LAMB4: variants seen among roughly 807,000 people sequenced by gnomAD.
LAMB4 encodes the protein laminin subunit beta-4.
Under a neutral mutation model 199.2 loss-of-function variants are expected in LAMB4, and 196 were observed. That is an observed-to-expected ratio of 0.98 (90% CI 0.88 to 1.11). The LOEUF is 1.11. Ranked by LOEUF, LAMB4 falls within the 50% of genes least tolerant of loss-of-function variation. The pLI, the probability that LAMB4 is intolerant of heterozygous loss-of-function variation, is 0.00. For missense variants in LAMB4, 2,080 were observed against 2,171.2 expected, an observed-to-expected ratio of 0.96 and a Z score of 0.83; for synonymous variants, 744 against 770.6, an observed-to-expected ratio of 0.97 and a Z score of 0.57.
intron 16 of LAMB4, 99 bp from the exon 17 acceptor site, chr7:108,077,163 AGTGAC>A: frequency 2.4e-6 from 3 of 1,247,818 alleles, no homozygotes. Context: ...TGTACTGGGC[AGTGAC>A]CTCCACTGTG....
chr7:108,080,425 T>C (rs9691506), intron 14 of LAMB4, among the ~76,000 whole-genome samples: 17,117 of 152,142 alleles, frequency 0.11, 1,988 homozygotes, highest in African/African-American at 0.29. Flanking sequence ...CAAATTCCTC[T>C]TCTTGTTACT....
intron 18 of LAMB4, 25 bp downstream of exon 18, chr7:108,069,683 T>C (rs759537522): frequency 1.2e-6 from 2 of 1,602,060 alleles, no homozygotes; most frequent in African/African-American, 1.3e-5. Context: ...AGTGCCTCAG[T>C]AGAGCCCATT....
chr7:108,091,278 T>C (rs2037391878), intron 14 of LAMB4, among the ~76,000 whole-genome samples: 1 of 152,150 alleles, frequency 6.6e-6, no homozygotes. Flanking sequence ...TTTTATAGTT[T>C]ATAGTATCAT....
chr7:108,066,279 A>T, intron 20 of LAMB4, 90 bp downstream of exon 20: 1 of 951,264 alleles, frequency 1.1e-6, no homozygotes, highest in Non-Finnish European at 1.6e-6. Context: ...ACACTTAAAT[A>T]TTGTTGAGTC....
At position 108,105,937 on chromosome 7, in the gene LAMB4, A is replaced by C. The variant is rs773846291; in HGVS notation, c.750T>G (p.Asp250Glu). 6.2e-5 allele frequency: 100 copies of C among 1,614,116 alleles called. No individual in the cohort carries two copies. The highest frequency in any genetic ancestry group is 8.3e-5 in the Non-Finnish European group (98 of 1,180,016). Reference sequence around the variant, plus strand: ...TCTCGTACAGAGCATAGTAGTATTTATCAAGGGAATCATTTTGCCTCCTTC... The same window carrying C: ...TCTCGTACAGAGCATAGTAGTATTTCTCAAGGGAATCATTTTGCCTCCTTC... ...LLGRRQNDSL[D>E]KYYYALYEMI... The change falls in exon 8 of 34, where the codon GAT becomes GAG. Residue 250 changes from aspartate (D) to glutamate (E), a missense_variant. Transcript: ENST00000388781.
intron 29 of LAMB4, 48 bp downstream of exon 29, chr7:108,043,704 A>C: frequency 7.7e-7 from 1 of 1,306,400 alleles, no homozygotes; most frequent in South Asian, 1.3e-5. Context: ...CTATACATTA[A>C]AAAGGGAAAA....
At chr7:108,129,765 G>T (rs2038916185) in intron 1 of LAMB4, among the ~76,000 whole-genome samples, 1 of 152,188 alleles carries the variant, frequency 6.6e-6, no homozygotes, top group African/African-American at 2.4e-5. Flanking sequence ...CTGAGCTCAA[G>T]CAATTTGCCT....
intron 26 of LAMB4, among the ~76,000 whole-genome samples, chr7:108,050,903 C>A (rs955895632): frequency 2.6e-5 from 4 of 152,176 alleles, no homozygotes; most frequent in Non-Finnish European, 1.5e-5. Context: ...TGAAGATGCT[C>A]TAACAGTCTT....
rs1329777734 is a variant in LAMB4 at position 108,130,284 on chromosome 7, TGA to T, written c.-34+20_-34+21del. 6.6e-6 allele frequency: 1 copy of T among 152,134 alleles called. No homozygotes were observed. Among genetic ancestry groups the T allele is most frequent in the Non-Finnish European group, 1.5e-5 (1 of 68,042 alleles). 9.4% of individuals were successfully genotyped at this position (152,134 alleles called of 1,614,324 possible). A position where few individuals can be genotyped will look rare whatever the true frequency, so the allele number is the denominator to read the frequency against. On this transcript the variant is annotated intron_variant, in intron 1 of 33. Transcript: ENST00000388781. ...ATCCATAAAAATGCCAATTTGCTAG[TGA>T]GAGAGCAGGCAAGACTTACCAGGAT...
At chr7:108,067,196 A>T (rs750427904) in intron 19 of LAMB4, among the ~76,000 whole-genome samples, 1 of 152,162 alleles carries the variant, frequency 6.6e-6, no homozygotes, top group Admixed American at 6.5e-5. Context: ...GGCATTTTGT[A>T]ACTTTTCTTA....
chr7:108,061,467 C>T (rs73424741), intron 23 of LAMB4, among the ~76,000 whole-genome samples: 7,087 of 152,008 alleles, frequency 0.047, 565 homozygotes, highest in African/African-American at 0.16. Flanking sequence ...GGCTGGGCGT[C>T]GTGGCTCACA....
chr7:108,037,634 T>C (rs1458183963), intron 29 of LAMB4, 39 bp from the exon 30 acceptor site: 2 of 1,450,092 alleles, frequency 1.4e-6, no homozygotes, highest in Non-Finnish European at 1.9e-6. Context: ...TCATGTCTCC[T>C]TAACAAACAC....
At chr7:108,029,296 G>A in intron 32 of LAMB4, 100 bp from the exon 33 acceptor site, 1 of 1,037,696 alleles carries the variant, frequency 9.6e-7, no homozygotes, top group Non-Finnish European at 1.4e-6. Flanking sequence ...GAATACAGAG[G>A]AAACCTTAAT....
chr7:108,122,148 C>CG (rs2038622564), intron 2 of LAMB4, among the ~76,000 whole-genome samples: 1 of 152,174 alleles, frequency 6.6e-6, no homozygotes, highest in Admixed American at 6.5e-5. Flanking sequence ...AACTGTGGAT[C>CG]GGTTTAGAAC....
At chr7:108,106,155 C>T (rs1019483861) in intron 7 of LAMB4, 124 bp from the exon 8 acceptor site, 4 of 785,030 alleles carry the variant, frequency 5.1e-6, no homozygotes, top group South Asian at 3.6e-5. Flanking sequence ...TAGTGGCTTG[C>T]GCCTGTAATC....
At chr7:108,063,551 TG>T (rs1168317845) in intron 22 of LAMB4, among the ~76,000 whole-genome samples, 1 of 152,218 alleles carries the variant, frequency 6.6e-6, no homozygotes, top group Non-Finnish European at 1.5e-5. Context: ...ATAACACCAG[TG>T]AGAACATTGT....
intron 8 of LAMB4, among the ~76,000 whole-genome samples, chr7:108,105,444 G>C (rs2037968848): frequency 6.6e-6 from 1 of 152,124 alleles, no homozygotes; most frequent in Non-Finnish European, 1.5e-5. Context: ...CAGTAATTTT[G>C]GTTTTTGCAA....
intron 11 of LAMB4, among the ~76,000 whole-genome samples, chr7:108,097,578 G>A (rs2037657670): frequency 6.6e-6 from 1 of 152,236 alleles, no homozygotes; most frequent in Non-Finnish European, 1.5e-5. Context: ...GAGGTCAGGA[G>A]ACAGAGACCA....
At chr7:108,104,437 G>A in intron 9 of LAMB4, 62 bp downstream of exon 9, 3 of 1,597,242 alleles carry the variant, frequency 1.9e-6, no homozygotes, top group South Asian at 1.1e-5. Context: ...TGAACGAAGT[G>A]TTTCTTAAAT....
Sources: allele counts gnomAD v4.1 joint callset (sites outside exome capture counted in the v4.1 genomes callset), GRCh38; gene constraint gnomAD v4.1.1; transcripts MANE v1.5; gene names NCBI Gene and HGNC (gene_info 2026-07-23, HGNC 2026-07-21).